The following KMT2C variants were observed in gnomAD, a reference collection of about 807,000 sequenced individuals.
KMT2C encodes the protein histone-lysine N-methyltransferase 2C.
Under a neutral mutation model 507.9 loss-of-function variants are expected in KMT2C, and 88 were observed. The ratio of observed to expected loss-of-function variants is 0.17; its 90% confidence interval spans 0.15 to 0.21. KMT2C has a LOEUF of 0.21. Among genes scored for constraint, KMT2C ranks in the 10% least tolerant of loss-of-function variants. The probability of loss-of-function intolerance (pLI) is 1.00; values close to 1 mark genes in which losing one functional copy is unlikely to be tolerated. For missense variants in KMT2C, 4,954 were observed against 5,957.8 expected (o/e 0.83, Z 5.55); for synonymous variants, 2,049 against 2,080.8 (o/e 0.98, Z 0.42).
chr7:152,224,847 A>C (rs1194467980), intron 18 of KMT2C, among the ~76,000 whole-genome samples: 4 of 152,186 alleles, frequency 2.6e-5, no homozygotes, highest in African/African-American at 9.7e-5. Flanking sequence ...CGCCTTTTTA[A>C]AGTCCACATA....
intron 6 of KMT2C, among the ~76,000 whole-genome samples, chr7:152,290,220 A>ATGTGTGTGTGTGTG (rs71198772): frequency 3.5e-5 from 3 of 86,292 alleles, no homozygotes; most frequent in East Asian, 7.6e-4. Context: ...TTATATATAT[A>ATGTGTGTGTGTGTG]TGTGTGTGTG....
intron 55 of KMT2C, among the ~76,000 whole-genome samples, chr7:152,141,540 C>T (rs2090543908): frequency 6.8e-6 from 1 of 146,782 alleles, no homozygotes; most frequent in Admixed American, 6.8e-5. Flanking sequence ...GAAATCCCAT[C>T]TCTACTTAAA....
chr7:152,181,909 A>G lies in KMT2C; in HGVS notation c.5951T>C (p.Leu1984Pro). Residue 1984 changes from leucine to proline, a missense_variant, in exon 36 of 59, where the codon CTA becomes CCA. Leu to Pro is a moderately conservative substitution (Grantham distance 98). This residue lies in a region of KMT2C where 1,689 missense variants were observed against 1,654.3 expected (regional missense o/e 1.02). Coordinates refer to ENST00000262189, the MANE Select transcript of KMT2C (RefSeq NM_170606.3). ...TTCTGAAACTACAGGAGACCGGGATAGGCCCAAGGATTTGGGAAATTGATC... is the reference window on the plus strand; with the variant it reads ...TTCTGAAACTACAGGAGACCGGGATGGGCCCAAGGATTTGGGAAATTGATC... ...MTDQFPKSLG[L>P]SRSPVVSEQT... 6.2e-7 allele frequency: 1 copy of G among 1,614,194 alleles called. No homozygotes were observed.
At chr7:152,288,021 TCA>T (rs1491137997) in intron 6 of KMT2C, among the ~76,000 whole-genome samples, 1 of 37,060 alleles carries the variant, frequency 2.7e-5, no homozygotes, top group Non-Finnish European at 4.5e-5. Flanking sequence ...AGAGTCTGCC[TCA>T]AAAAAAAAAA....
At chr7:152,367,351 C>G in intron 1 of KMT2C, 1 of 790,536 alleles carries the variant, frequency 1.3e-6, no homozygotes. Flanking sequence ...AAGCAGACAC[C>G]CCAGGGAGCA....
rs766518165 is a variant in KMT2C, at chr7:152,215,688, T to TATATATATATATATATATATATATACAC, written c.3712+4834_3712+4835insGTGTATATATATATATATATATATATAT. 2.3e-4 allele frequency among the ~76,000 whole-genome samples: 31 copies of TATATATATATATATATATATATATACAC among 134,484 alleles called. 1 individual carries two copies. In the East Asian group the frequency reaches 3.7e-3, roughly 16 times the overall value. The allele number at this position is 134,484 out of a possible 152,430, so 88.2% of individuals were successfully genotyped here. A position where few individuals can be genotyped will look rare whatever the true frequency, so the allele number is the denominator to read the frequency against. ...ACAAAAGGAACAAAATATATATATA[T>TATATATATATATATATATATATATACAC]ACACACACACATACACACACAAAAT... is the stretch of plus-strand genomic sequence containing the variant. On this transcript the variant is annotated intron_variant, in intron 23 of 58. Coordinates refer to ENST00000262189, the MANE Select transcript of KMT2C (RefSeq NM_170606.3).
Position 152,181,745 on chromosome 7 carries a change from C to G in KMT2C, c.6115G>C (p.Gly2039Arg), listed in dbSNP as rs376573154. ...PLLTPAPLDS[G>R]PGPFKTPMQP... ...ATTGGAGTCTTAAAAGGTCCAGGAC[C>G]ACTATCAAGAGGTGCAGGTGTCAAC... Residue 2039 changes from glycine (G) to arginine (R), a missense_variant, in exon 36 of 59, where the codon GGT (glycine) becomes CGT (arginine). Transcript: ENST00000262189. 1.5e-5 allele frequency: 25 copies of G among 1,613,940 alleles called. No homozygotes were observed. Among genetic ancestry groups the G allele is most frequent in the Admixed American group, 3.3e-5 (2 of 59,994 alleles).
At chr7:152,164,371 G>T (rs1011332150) in intron 42 of KMT2C, among the ~76,000 whole-genome samples, 10 of 150,596 alleles carry the variant, frequency 6.6e-5, no homozygotes, top group African/African-American at 2.4e-4. Flanking sequence ...CTCACTGCAA[G>T]CTCCGCCTCC....
chr7:152,200,568 C>G (rs888280913), intron 26 of KMT2C, among the ~76,000 whole-genome samples: 1 of 151,834 alleles, frequency 6.6e-6, no homozygotes, highest in Non-Finnish European at 1.5e-5. Context: ...TGACTCTACA[C>G]AAAACACAAA....
chr7:152,349,441 T>C (rs2097092179), intron 2 of KMT2C, among the ~76,000 whole-genome samples: 2 of 150,508 alleles, frequency 1.3e-5, no homozygotes, highest in Admixed American at 6.6e-5. Flanking sequence ...CAAGACTCCA[T>C]AAAGAAAGAA....
At chr7:152,432,194 G>C (rs897432413) in intron 1 of KMT2C, among the ~76,000 whole-genome samples, 1 of 152,186 alleles carries the variant, frequency 6.6e-6, no homozygotes, top group Non-Finnish European at 1.5e-5. Context: ...ACCACCTGCT[G>C]CTTCTGTACA....
intron 1 of KMT2C, among the ~76,000 whole-genome samples, chr7:152,408,928 T>C (rs2097651674): frequency 6.6e-6 from 1 of 152,090 alleles, no homozygotes; most frequent in South Asian, 2.1e-4. Context: ...AAGTTAATTC[T>C]ACACTATCTA....
Position 152,154,256 on chromosome 7 carries a change from GT to G in KMT2C, c.12139+10del, listed in dbSNP as rs773826330. 5.0e-6 allele frequency: 8 copies of G among 1,613,846 alleles called. No individual in the cohort carries two copies. Among genetic ancestry groups the G allele is most frequent in the African/African-American group, 2.7e-5 (2 of 74,932 alleles). ...GTAAAGGGAAATAATAAGGTTAAGT[GT>G]TGTTCTTACTTTTCCCAGCAGTGCT... is the stretch of plus-strand genomic sequence containing the variant. On this transcript the variant is annotated intron_variant, in intron 47 of 58. Transcript: ENST00000262189.
chr7:152,410,577 CAAAT>C (rs1427755531), intron 1 of KMT2C, among the ~76,000 whole-genome samples: 1 of 150,926 alleles, frequency 6.6e-6, no homozygotes, highest in Non-Finnish European at 1.5e-5. Flanking sequence ...GACTCCATCT[CAAAT>C]AAAATAAAAT....
At chr7:152,273,067 T>C (rs1325012060) in intron 7 of KMT2C, among the ~76,000 whole-genome samples, 2 of 152,172 alleles carry the variant, frequency 1.3e-5, no homozygotes, top group Non-Finnish European at 2.9e-5. Flanking sequence ...AGATCTCTAT[T>C]TAATGATACA....
At chr7:152,235,209 A>G (rs759623307) in intron 16 of KMT2C, among the ~76,000 whole-genome samples, 2 of 149,122 alleles carry the variant, frequency 1.3e-5, no homozygotes, top group Non-Finnish European at 3.0e-5. Flanking sequence ...TCAAGGGTGT[A>G]TATATATATA....
At chr7:152,344,632 A>C (rs2097035099) in intron 2 of KMT2C, among the ~76,000 whole-genome samples, 1 of 151,952 alleles carries the variant, frequency 6.6e-6, no homozygotes, top group Non-Finnish European at 1.5e-5. Context: ...CTCAAAAAAA[A>C]AAAGAGAGAA....
At chr7:152,202,077 A>T (rs1340030156) in intron 26 of KMT2C, among the ~76,000 whole-genome samples, 1 of 152,226 alleles carries the variant, frequency 6.6e-6, no homozygotes, top group African/African-American at 2.4e-5. Context: ...AAATTGATGT[A>T]AAAAATAAAT....
intron 14 of KMT2C, among the ~76,000 whole-genome samples, chr7:152,241,796 T>C (rs2095391355): frequency 6.6e-6 from 1 of 152,226 alleles, no homozygotes; most frequent in Non-Finnish European, 1.5e-5. Flanking sequence ...TTCTCAAAAA[T>C]ATGAGACAGA....
Sources: allele counts gnomAD v4.1 joint callset (sites outside exome capture counted in the v4.1 genomes callset), GRCh38; gene constraint gnomAD v4.1.1; regional missense constraint gnomAD v4.1.1; transcripts MANE v1.5; gene names NCBI Gene and HGNC (gene_info 2026-07-23, HGNC 2026-07-21).